The following RUFY4 variants were observed in gnomAD, a reference collection of about 807,000 sequenced individuals.
The protein encoded by RUFY4 is RUN and FYVE domain-containing protein 4.
Under a neutral mutation model 69.0 loss-of-function variants are expected in RUFY4, and 73 were observed. That is an observed-to-expected ratio of 1.06 (90% CI 0.88 to 1.29). RUFY4 has a LOEUF of 1.29. Ranked by LOEUF, RUFY4 falls within the 50% of genes most tolerant of loss-of-function variation. The pLI is 0.00. For missense variants in RUFY4, 770 were observed against 705.6 expected, an observed-to-expected ratio of 1.09 and a Z score of -1.03; for synonymous variants, 287 against 271.8, an observed-to-expected ratio of 1.06 and a Z score of -0.55.
At chr2:218,061,124 A>G in intron 3 of RUFY4, 1 of 508,066 alleles carries the variant, frequency 2.0e-6, no homozygotes, top group South Asian at 1.7e-5. Flanking sequence ...GGGCAATGTC[A>G]GGGAAAAGAA....
rs764748914 is a variant in RUFY4 at position 218,076,409 on chromosome 2, C to T, written c.1249-18C>T. 1.3e-6 allele frequency: 2 copies of T among 1,548,676 alleles called. No homozygotes were observed. The highest frequency in any genetic ancestry group is 1.7e-6 in the Non-Finnish European group (2 of 1,145,946). On this transcript the variant is annotated intron_variant, in intron 7 of 10. Coordinates refer to ENST00000344321, the Ensembl canonical transcript of RUFY4. ...CCCTTCTCCTTCAGCCTCCTTCTCC[C>T]CTCCTTCCACCCCACAGAGCCTCAG...
intron 6 of RUFY4, among the ~76,000 whole-genome samples, chr2:218,074,417 C>T (rs1689574537): frequency 6.6e-6 from 1 of 152,178 alleles, no homozygotes; most frequent in South Asian, 2.1e-4. Flanking sequence ...TGGCTACACG[C>T]TCCCCGCATG....
chr2:218,063,476 A>C (rs894367349), intron 3 of RUFY4, among the ~76,000 whole-genome samples: 4 of 152,248 alleles, frequency 2.6e-5, no homozygotes, highest in Non-Finnish European at 5.9e-5. Flanking sequence ...CAGTTGCTCA[A>C]AAAAGTTAAA....
upstream of RUFY4, chr2:218,070,405 C>T (rs1689456923): frequency 8.0e-6 from 5 of 627,546 alleles, no homozygotes; most frequent in Non-Finnish European, 1.4e-5. Context: ...GCCACACCAT[C>T]ATCTTCACAC....
intron 2 of RUFY4, 77 bp from the exon 5 acceptor site, chr2:218,072,297 C>T: frequency 7.4e-6 from 11 of 1,494,500 alleles, no homozygotes; most frequent in African/African-American, 1.4e-5. Flanking sequence ...AGTACATGTC[C>T]CCTCAGCAAG....
chr2:218,054,631 T>C (rs6713292), intron 2 of RUFY4, among the ~76,000 whole-genome samples: 12,633 of 152,010 alleles, frequency 0.083, 1,624 homozygotes, highest in African/African-American at 0.28. Context: ...CTGATAGGTT[T>C]ATAAAACTGC....
At chr2:218,087,961 A>G (rs1689932547) in intron 9 of RUFY4, among the ~76,000 whole-genome samples, 1 of 152,196 alleles carries the variant, frequency 6.6e-6, no homozygotes, top group South Asian at 2.1e-4. Context: ...GAGGAGCTCT[A>G]TAGAGAATGT....
exon 5 of RUFY4, chr2:218,073,278 C>A: frequency 1.9e-6 from 3 of 1,553,188 alleles, no homozygotes; most frequent in Non-Finnish European, 1.7e-6. Context: ...CTGCTCTGCC[C>A]AGAACGCCAA....
At chr2:218,073,999 A>G (rs1338940521) in intron 6 of RUFY4, 114 bp downstream of exon 8, 2 of 1,042,398 alleles carry the variant, frequency 1.9e-6, no homozygotes, top group Non-Finnish European at 2.9e-6. Flanking sequence ...CTGACCCTAC[A>G]GGACAGACAG....
chr2:218,066,873 G>A (rs557018275), upstream of RUFY4, among the ~76,000 whole-genome samples: 7 of 152,286 alleles, frequency 4.6e-5, no homozygotes, highest in East Asian at 1.2e-3. Context: ...CCGTTTCCTT[G>A]TTCTTTCACA....
At chr2:218,056,404 T>C (rs1689066711) in intron 2 of RUFY4, among the ~76,000 whole-genome samples, 1 of 152,132 alleles carries the variant, frequency 6.6e-6, no homozygotes, top group Non-Finnish European at 1.5e-5. Flanking sequence ...AACTCTGCCC[T>C]GAGAGAGCTT....
chr2:218,065,214 C>G (rs1002502007), upstream of RUFY4, among the ~76,000 whole-genome samples: 1 of 152,208 alleles, frequency 6.6e-6, no homozygotes, highest in South Asian at 2.1e-4. Context: ...ACTCAGCCCT[C>G]TCCCTGGCCC....
intron 9 of RUFY4, among the ~76,000 whole-genome samples, chr2:218,085,365 A>T (rs551559098): frequency 6.6e-6 from 1 of 152,292 alleles, no homozygotes; most frequent in Admixed American, 6.5e-5. Context: ...CAAAAAGAAA[A>T]AGGAAAAAAA....
At chr2:218,043,815 CA>C (rs1239926834) in intron 2 of RUFY4, among the ~76,000 whole-genome samples, 1 of 152,226 alleles carries the variant, frequency 6.6e-6, no homozygotes, top group Non-Finnish European at 1.5e-5. Flanking sequence ...CTCCTGCCAC[CA>C]ATCATGGCAT....
intron 2 of RUFY4, among the ~76,000 whole-genome samples, chr2:218,052,281 T>G (rs12989035): frequency 2.0e-5 from 3 of 152,028 alleles, no homozygotes; most frequent in Admixed American, 1.3e-4. Flanking sequence ...TGTCCTCCAG[T>G]GTAAGTCGAC....
At chr2:218,056,087 T>G (rs1689056122) in intron 2 of RUFY4, among the ~76,000 whole-genome samples, 1 of 152,224 alleles carries the variant, frequency 6.6e-6, no homozygotes, top group South Asian at 2.1e-4. Flanking sequence ...CACTCTCTGC[T>G]TTAATTCAGC....
chr2:218,062,405 CAAAA>C (rs58667428), intron 3 of RUFY4, among the ~76,000 whole-genome samples: 2 of 101,354 alleles, frequency 2.0e-5, no homozygotes, highest in African/African-American at 7.1e-5. Context: ...GACTCCGTCT[CAAAA>C]AAAAAAAAAA....
At chr2:218,065,871 G>A (rs1424227601), upstream of RUFY4, 9 of 152,606 alleles carry the variant, frequency 5.9e-5, no homozygotes, top group Non-Finnish European at 1.2e-4. Flanking sequence ...CACTCTAGCC[G>A]GCTCTGGCCA....
upstream of RUFY4, among the ~76,000 whole-genome samples, chr2:218,070,086 G>C (rs1292806503): frequency 6.6e-6 from 1 of 152,160 alleles, no homozygotes; most frequent in Non-Finnish European, 1.5e-5. Flanking sequence ...TGAGTACCCA[G>C]GCAAGGCTAG....
Sources: allele counts gnomAD v4.1 joint callset (sites outside exome capture counted in the v4.1 genomes callset), GRCh38; gene constraint gnomAD v4.1.1; transcripts MANE v1.5; gene names NCBI Gene and HGNC (gene_info 2026-07-23, HGNC 2026-07-21).